The following MDGA2 variants were observed in gnomAD, a reference collection of about 807,000 sequenced individuals.
MDGA2 encodes MAM domain containing glycosylphosphatidylinositol anchor 2, also known as MAM domain-containing glycosylphosphatidylinositol anchor protein 2.
A neutral mutation model predicts 117.8 loss-of-function variants in MDGA2; 40 were observed. That is an observed-to-expected ratio of 0.34 (90% confidence interval 0.26 to 0.44). MDGA2 has a LOEUF of 0.44. Among genes scored for constraint, MDGA2 ranks in the 20% least tolerant of loss-of-function variants. The pLI is 1.00. For missense variants in MDGA2, 1,123 were observed against 1,250.6 expected, an observed-to-expected ratio of 0.90 and a Z score of 1.54; for synonymous variants, 452 against 439.0, an observed-to-expected ratio of 1.03 and a Z score of -0.37.
At chr14:47,628,065 G>C (rs1343789571) in intron 1 of MDGA2, among the ~76,000 whole-genome samples, 1 of 152,140 alleles carries the variant, frequency 6.6e-6, no homozygotes. Flanking sequence ...GGTTTTGGTG[G>C]GGTAGGTAGG....
intron 1 of MDGA2, among the ~76,000 whole-genome samples, chr14:47,511,047 T>C (rs1386207880): frequency 4.6e-5 from 7 of 152,204 alleles, no homozygotes; most frequent in Admixed American, 3.3e-4. Flanking sequence ...GTTTTCTTAT[T>C]TTTATTGGTT....
chr14:47,321,768 A>G (rs1241785155), intron 1 of MDGA2, among the ~76,000 whole-genome samples: 3 of 152,218 alleles, frequency 2.0e-5, no homozygotes, highest in African/African-American at 4.8e-5. Flanking sequence ...ATGTAGTCAC[A>G]TTGCATTACT....
intron 2 of MDGA2, among the ~76,000 whole-genome samples, chr14:47,261,999 T>C (rs1055079088): frequency 6.6e-6 from 1 of 152,104 alleles, no homozygotes; most frequent in Non-Finnish European, 1.5e-5. Flanking sequence ...CTTAAGATTA[T>C]AAAGGTAATG....
intron 9 of MDGA2, among the ~76,000 whole-genome samples, chr14:46,951,251 C>T (rs1374772794): frequency 6.6e-6 from 1 of 151,844 alleles, no homozygotes; most frequent in Non-Finnish European, 1.5e-5. Flanking sequence ...GTTAATATTT[C>T]AATAGATACA....
At chr14:46,860,655 GT>G (rs527867998) in intron 14 of MDGA2, among the ~76,000 whole-genome samples, 8 of 151,678 alleles carry the variant, frequency 5.3e-5, no homozygotes, top group African/African-American at 1.7e-4. Context: ...AAACCATATT[GT>G]TTTTTTCTGT....
chr14:47,565,793 G>T (rs2138810418), intron 1 of MDGA2, among the ~76,000 whole-genome samples: 1 of 152,314 alleles, frequency 6.6e-6, no homozygotes, highest in South Asian at 2.1e-4. Flanking sequence ...GGCCGTGCTG[G>T]CATGGGGACA....
At chr14:47,504,742 C>G (rs985203029) in intron 1 of MDGA2, among the ~76,000 whole-genome samples, 1 of 151,984 alleles carries the variant, frequency 6.6e-6, no homozygotes, top group Non-Finnish European at 1.5e-5. Flanking sequence ...TTATACTGTT[C>G]GTGGGATAGT....
At chr14:47,651,578 T>G (rs530490628) in intron 1 of MDGA2, among the ~76,000 whole-genome samples, 42 of 149,664 alleles carry the variant, frequency 2.8e-4, no homozygotes, top group African/African-American at 5.0e-4. Flanking sequence ...TAATCTGCTG[T>G]TTTTTTTTAG....
intron 5 of MDGA2, among the ~76,000 whole-genome samples, chr14:47,128,045 C>T (rs556246023): frequency 3.5e-4 from 54 of 152,238 alleles, no homozygotes; most frequent in East Asian, 7.7e-4. Flanking sequence ...AGTCCCCATT[C>T]CTTATGAGCT....
chr14:47,159,994 C>T (rs949693346), intron 3 of MDGA2, among the ~76,000 whole-genome samples: 5 of 152,126 alleles, frequency 3.3e-5, no homozygotes, highest in African/African-American at 9.7e-5. Flanking sequence ...TAGTTTTCCC[C>T]TAGATTGCAG....
intron 3 of MDGA2, among the ~76,000 whole-genome samples, chr14:47,166,813 A>G (rs41534646): frequency 1.1e-3 from 160 of 152,348 alleles, no homozygotes; most frequent in African/African-American, 3.7e-3. Flanking sequence ...GTAGCCTGAT[A>G]GTACTAAGAG....
At chr14:47,323,629 C>A (rs1267314692) in intron 1 of MDGA2, among the ~76,000 whole-genome samples, 1 of 145,850 alleles carries the variant, frequency 6.9e-6, no homozygotes, top group Non-Finnish European at 1.5e-5. Flanking sequence ...AAGACTCCAT[C>A]TCAAAAAACA....
At chr14:47,568,718 A>T (rs1311410895) in intron 1 of MDGA2, among the ~76,000 whole-genome samples, 1 of 152,218 alleles carries the variant, frequency 6.6e-6, no homozygotes, top group African/African-American at 2.4e-5. Context: ...TCTATAAAAA[A>T]TAATCCTGTT....
Position 47,486,985 on chromosome 14 carries a change from T to C in MDGA2, c.281-185435A>G, listed in dbSNP as rs1894075168. Among the ~76,000 whole-genome samples, 3 of 152,356 alleles carry C rather than the reference T, an allele frequency of 2.0e-5. No homozygotes were observed. In the South Asian group the frequency reaches 6.2e-4, roughly 32 times the overall value. Reference sequence around the variant, plus strand: ...GTTGTTTTCCTTTATCATTCTTATGTATAAATAAGTTTCAGATAGTTTATG... The same window carrying C: ...GTTGTTTTCCTTTATCATTCTTATGCATAAATAAGTTTCAGATAGTTTATG... On this transcript the variant is annotated intron_variant, in intron 1 of 16. Transcript: ENST00000399232.
In MDGA2 at chr14:47,563,735, G is replaced by A. The variant is rs540410287; in HGVS notation, c.280+110782C>T. ...ACTTGCCATTCTGTGCCTTTTAATT[G>A]GGCCATTTAGCCCCTTTAAATTAAA... On this transcript the variant is annotated intron_variant, in intron 1 of 16. Transcript: ENST00000399232. Among the ~76,000 whole-genome samples, 45 of 150,234 alleles carry A rather than the reference G, an allele frequency of 3.0e-4. 1 individual carries two copies. Among genetic ancestry groups the A allele is most frequent in the African/African-American group, 1.1e-3 (44 of 40,894 alleles).
intron 3 of MDGA2, among the ~76,000 whole-genome samples, chr14:47,203,998 C>A (rs567804457): frequency 6.6e-6 from 1 of 151,742 alleles, no homozygotes; most frequent in Non-Finnish European, 1.5e-5. Context: ...TGAGTTGGCA[C>A]ATAATAATAT....
At chr14:47,002,284 T>C (rs905372877) in intron 8 of MDGA2, among the ~76,000 whole-genome samples, 1 of 152,188 alleles carries the variant, frequency 6.6e-6, no homozygotes, top group Non-Finnish European at 1.5e-5. Context: ...AAGTCCTATA[T>C]ACTGTTAAAA....
chr14:46,940,496 C>T (rs1459698665), intron 9 of MDGA2, among the ~76,000 whole-genome samples: 1 of 151,776 alleles, frequency 6.6e-6, no homozygotes, highest in Non-Finnish European at 1.5e-5. Context: ...GGCATGATGG[C>T]GGGCGCCTGT....
chr14:47,250,157 A>T (rs1384560269), intron 2 of MDGA2, among the ~76,000 whole-genome samples: 1 of 152,206 alleles, frequency 6.6e-6, no homozygotes, highest in Non-Finnish European at 1.5e-5. Flanking sequence ...CTACCCTTGG[A>T]CTATAGCAAA....
Sources: gnomAD v4.1 joint callset for allele counts (sites outside exome capture counted in the v4.1 genomes callset) on GRCh38, gnomAD v4.1.1 for gene constraint, MANE v1.5 for transcripts, NCBI Gene and HGNC (gene_info 2026-07-23, HGNC 2026-07-21) for gene names.